GSE1: variants seen among roughly 807,000 people sequenced by gnomAD.
GSE1 encodes the protein Gse1 coiled-coil protein.
GSE1 carries 32 observed loss-of-function variants against 112.6 expected under a neutral mutation model. The ratio of observed to expected loss-of-function variants is 0.28; its 90% CI spans 0.21 to 0.38. GSE1 has a LOEUF of 0.38. GSE1 is among the 10% of genes least tolerant of loss of function. The pLI is 1.00. For synonymous variants in GSE1, 1,115 were observed against 735.6 expected, an observed-to-expected ratio of 1.52 and a Z score of -8.35; for missense variants, 2,348 against 1,699.2, an observed-to-expected ratio of 1.38 and a Z score of -6.71.
At chr16:85,417,340 A>G (rs1348766270) in intron 2 of GSE1, among the ~76,000 whole-genome samples, 2 of 152,148 alleles carry the variant, frequency 1.3e-5, no homozygotes, top group Non-Finnish European at 2.9e-5. Context: ...TGGGGGCAAC[A>G]TCACCCCCGG....
At chr16:85,292,608 G>A (rs2930227) in intron 1 of GSE1, among the ~76,000 whole-genome samples, 1 of 151,986 alleles carries the variant, frequency 6.6e-6, no homozygotes, top group East Asian at 1.9e-4. Flanking sequence ...ATTACAGGCC[G>A]GAGCCACTGT....
chr16:85,615,528 C>A (rs903577115), intron 1 of GSE1, among the ~76,000 whole-genome samples: 8 of 152,092 alleles, frequency 5.3e-5, no homozygotes, highest in Non-Finnish European at 1.5e-5. Flanking sequence ...TTCCTGGAGC[C>A]TTGGGGGCGG....
intron 2 of GSE1, among the ~76,000 whole-genome samples, chr16:85,425,522 T>C (rs2048955025): frequency 6.6e-6 from 1 of 152,124 alleles, no homozygotes; most frequent in South Asian, 2.1e-4. Flanking sequence ...GGGGCTGGTC[T>C]CCTCCTAGCG....
chr16:85,576,879 C>T (rs2046248716), intron 1 of GSE1, among the ~76,000 whole-genome samples: 1 of 152,166 alleles, frequency 6.6e-6, no homozygotes, highest in Non-Finnish European at 1.5e-5. Flanking sequence ...CATCACTGGG[C>T]TCTCACAGCT....
chr16:85,502,927 A>G (rs1355387994), intron 2 of GSE1, among the ~76,000 whole-genome samples: 1 of 152,208 alleles, frequency 6.6e-6, no homozygotes, highest in African/African-American at 2.4e-5. Flanking sequence ...CGGAAGACAG[A>G]ATGCGTGGCG....
In GSE1 at chr16:85,654,998, C is replaced by T; in HGVS notation, c.797+7C>T. ...TCCCCCACCCGGCCTTCAGGTGAGG[C>T]ATCCCCCACGCGCCCTCTCGTCTAG... On this transcript the variant is annotated splice_region_variant and intron_variant, in intron 5 of 15. Transcript: ENST00000253458. 6.5e-7 allele frequency: 1 copy of T among 1,538,006 alleles called. No homozygotes were observed. Among genetic ancestry groups the T allele is most frequent in the Non-Finnish European group, 8.9e-7 (1 of 1,125,700 alleles).
At position 85,668,221 on chromosome 16, in the gene GSE1, C is replaced by G. The variant is rs759019079; in HGVS notation, c.3212C>G (p.Ser1071Cys). The G allele has an allele frequency of 3.1e-6, 5 of 1,610,488 alleles. No homozygotes were observed. In the East Asian group the frequency reaches 8.9e-5, roughly 29 times the overall value. ...VHYNIPELQS[S>C]SRAPPPQHNG... ...TACAACATTCCTGAGCTGCAGTCCT[C>G]CAGCCGCGCCCCTCCACCCCAGCAC... Residue 1071 changes from serine to cysteine, a missense_variant, in exon 14 of 16, where the codon TCC (serine) becomes TGC (cysteine). Transcript: ENST00000253458.
chr16:85,547,238 G>A (rs1379476086), intron 2 of GSE1, among the ~76,000 whole-genome samples: 2 of 152,202 alleles, frequency 1.3e-5, no homozygotes, highest in East Asian at 3.9e-4. Context: ...GGATGTATTA[G>A]CTTCCTGTGG....
chr16:85,371,361 A>G (rs910390539), intron 2 of GSE1, among the ~76,000 whole-genome samples: 3 of 152,330 alleles, frequency 2.0e-5, no homozygotes, highest in Non-Finnish European at 2.9e-5. Flanking sequence ...CTTCCAGGAC[A>G]GAAGACGGAG....
chr16:85,297,799 C>G (rs893509962), intron 1 of GSE1, among the ~76,000 whole-genome samples: 1 of 152,266 alleles, frequency 6.6e-6, no homozygotes, highest in South Asian at 2.1e-4. Flanking sequence ...ACGTGAGCCA[C>G]TGCACCTGGC....
At chr16:85,365,794 C>G (rs1393197380) in intron 2 of GSE1, among the ~76,000 whole-genome samples, 1 of 152,252 alleles carries the variant, frequency 6.6e-6, no homozygotes, top group Non-Finnish European at 1.5e-5. Context: ...TTGGGAATGA[C>G]TAGGCTGTGG....
chr16:85,582,545 C>T (rs533126748), intron 1 of GSE1, among the ~76,000 whole-genome samples: 139 of 152,164 alleles, frequency 9.1e-4, no homozygotes, highest in Non-Finnish European at 1.7e-3. Context: ...AGGAGCCCTG[C>T]CTGGCTTGCT....
chr16:85,242,012 T>TGA (rs1905208682), intron 1 of GSE1, among the ~76,000 whole-genome samples: 1 of 152,120 alleles, frequency 6.6e-6, no homozygotes, highest in African/African-American at 2.4e-5. Context: ...CCTTGCTCCC[T>TGA]GCTACACCGT....
At chr16:85,180,743 C>T (rs1038213958) in intron 1 of GSE1, among the ~76,000 whole-genome samples, 2 of 152,224 alleles carry the variant, frequency 1.3e-5, no homozygotes, top group African/African-American at 4.8e-5. Flanking sequence ...ATGCTCATCA[C>T]ACCCATCCTG....
chr16:85,572,445 C>G (rs2046041240), intron 1 of GSE1, among the ~76,000 whole-genome samples: 1 of 135,892 alleles, frequency 7.4e-6, no homozygotes, highest in African/African-American at 2.7e-5. Flanking sequence ...ATACAACACA[C>G]AGCACATACC....
chr16:85,349,754 T>A (rs2046816330), intron 1 of GSE1, among the ~76,000 whole-genome samples: 1 of 152,198 alleles, frequency 6.6e-6, no homozygotes, highest in Non-Finnish European at 1.5e-5. Flanking sequence ...TTCCCCCTCC[T>A]GCGGTTGTGT....
At chr16:85,596,105 A>C (rs375876587) in intron 1 of GSE1, among the ~76,000 whole-genome samples, 1 of 151,130 alleles carries the variant, frequency 6.6e-6, no homozygotes, top group East Asian at 1.9e-4. Flanking sequence ...TCCACTGTCT[A>C]TCCGTGGTCC....
intron 2 of GSE1, among the ~76,000 whole-genome samples, chr16:85,364,822 G>T (rs1261696048): frequency 6.6e-6 from 1 of 152,208 alleles, no homozygotes; most frequent in African/African-American, 2.4e-5. Flanking sequence ...GTCCCCGGCA[G>T]AAGGGGCCGA....
intron 1 of GSE1, among the ~76,000 whole-genome samples, chr16:85,200,001 C>G (rs567517283): frequency 6.6e-6 from 1 of 152,268 alleles, no homozygotes; most frequent in Admixed American, 6.5e-5. Context: ...TGACTTTGCC[C>G]TCTTCTCTTT....
Sources: allele counts gnomAD v4.1 joint callset (sites outside exome capture counted in the v4.1 genomes callset), GRCh38; gene constraint gnomAD v4.1.1; transcripts MANE v1.5; gene names NCBI Gene and HGNC (gene_info 2026-07-23, HGNC 2026-07-21).